The following ZSWIM5 variants were observed in gnomAD, a reference collection of about 807,000 sequenced individuals.
ZSWIM5 encodes zinc finger SWIM-type containing 5.
In ZSWIM5, 55 loss-of-function variants were observed where a neutral mutation model predicts 119.6. The observed-to-expected ratio is 0.46, with a 90% CI of 0.37 to 0.58. The LOEUF (loss-of-function observed/expected upper bound fraction) is 0.58. ZSWIM5 is among the 20% of genes least tolerant of loss of function. The pLI is 0.00. For synonymous variants in ZSWIM5, 537 were observed against 606.9 expected, an observed-to-expected ratio of 0.88 and a Z score of 1.69; for missense variants, 1,193 against 1,512.8, an observed-to-expected ratio of 0.79 and a Z score of 3.51.
In ZSWIM5 at chr1:45,055,562, C is replaced by A. The variant is rs188918485; in HGVS notation, c.1252+3047G>T. ...TGAGATGTTTCTTAGAAGTGATGGGCAGCTGGACACAGCCTGGAGCTCAGG... is the reference window on the plus strand; with the variant it reads ...TGAGATGTTTCTTAGAAGTGATGGGAAGCTGGACACAGCCTGGAGCTCAGG... On this transcript the variant is annotated intron_variant, in intron 4 of 13. Coordinates refer to ENST00000359600, the MANE Select transcript of ZSWIM5 (RefSeq NM_020883.2). Among the ~76,000 whole-genome samples the A allele has an allele frequency of 3.9e-4, 59 of 152,332 alleles. No homozygotes were observed. In the East Asian group the frequency reaches 8.7e-3, roughly 22 times the overall value.
At chr1:45,032,969 G>A (rs1569997398) in intron 11 of ZSWIM5, among the ~76,000 whole-genome samples, 1 of 151,966 alleles carries the variant, frequency 6.6e-6, no homozygotes, top group South Asian at 2.1e-4. Context: ...TTTTGGTTAT[G>A]ATGTGCCATG....
chr1:45,116,845 ATGT>A (rs1453896139), intron 1 of ZSWIM5, among the ~76,000 whole-genome samples: 1 of 152,234 alleles, frequency 6.6e-6, no homozygotes, highest in Non-Finnish European at 1.5e-5. Flanking sequence ...TCAGGACACT[ATGT>A]TACATTTGCT....
At chr1:45,153,121 A>G (rs1300424543) in intron 1 of ZSWIM5, among the ~76,000 whole-genome samples, 1 of 151,768 alleles carries the variant, frequency 6.6e-6, no homozygotes, top group Non-Finnish European at 1.5e-5. Context: ...GAAAAAAGAA[A>G]AAACAGATGC....
intron 1 of ZSWIM5, among the ~76,000 whole-genome samples, chr1:45,156,030 T>C (rs1431429629): frequency 4.7e-5 from 7 of 150,428 alleles, no homozygotes; most frequent in East Asian, 3.9e-4. Flanking sequence ...CAAAAACCTA[T>C]GGAAATAAAA....
At chr1:45,187,116 T>C (rs960679533) in intron 1 of ZSWIM5, among the ~76,000 whole-genome samples, 4 of 152,060 alleles carry the variant, frequency 2.6e-5, no homozygotes, top group Non-Finnish European at 5.9e-5. Flanking sequence ...CTAAAATTCA[T>C]AGGGAAACTC....
rs1475656089 is a variant in ZSWIM5 at position 45,051,140 on chromosome 1, C to T, written c.1366G>A (p.Gly456Arg). The T allele has an allele frequency of 6.2e-7, 1 of 1,614,222 alleles. No homozygotes were observed. Among genetic ancestry groups the T allele is most frequent in the Admixed American group, 1.7e-5 (1 of 60,030 alleles). ...TTGGGCAGCTCATGTCCATAGTTTCCATCCTCCAGGGGACAGACATCCAGG... is the reference window on the plus strand; with the variant it reads ...TTGGGCAGCTCATGTCCATAGTTTCTATCCTCCAGGGGACAGACATCCAGG... Reference protein sequence around the residue: ...SDLDVCPLEDGNYGHELPNIT... With the variant: ...SDLDVCPLEDRNYGHELPNIT... The change falls in exon 5 of 14, where the codon GGA becomes AGA. Residue 456 changes from glycine to arginine, a missense_variant. Transcript: ENST00000359600.
At position 45,178,147 on chromosome 1, in the gene ZSWIM5, C is replaced by T. The variant is rs192686837; in HGVS notation, c.595+27609G>A. On this transcript the variant is annotated intron_variant, in intron 1 of 13. Coordinates refer to ENST00000359600, the MANE Select transcript of ZSWIM5 (RefSeq NM_020883.2). ...TATCTTCAAATTAGACAAATGGCGC[C>T]GGGCACAGTGGCTCACACCTGTAAT... is the stretch of plus-strand genomic sequence containing the variant. 1.0e-3 allele frequency among the ~76,000 whole-genome samples: 154 copies of T among 152,130 alleles called. 1 individual carries two copies. Among genetic ancestry groups the T allele is most frequent in the East Asian group, 3.3e-3 (17 of 5,154 alleles).
intron 2 of ZSWIM5, among the ~76,000 whole-genome samples, chr1:45,073,915 C>T (rs1005360368): frequency 2.6e-5 from 4 of 151,758 alleles, no homozygotes; most frequent in African/African-American, 9.7e-5. Context: ...CCTTCTGTAC[C>T]CATTTTTAAA....
At chr1:45,081,643 C>T (rs1645291975) in intron 2 of ZSWIM5, among the ~76,000 whole-genome samples, 1 of 152,156 alleles carries the variant, frequency 6.6e-6, no homozygotes, top group South Asian at 2.1e-4. Context: ...AGTGCAGTGG[C>T]GTGATCTCGG....
At chr1:45,028,229 A>G (rs1644931650) in intron 11 of ZSWIM5, among the ~76,000 whole-genome samples, 1 of 151,968 alleles carries the variant, frequency 6.6e-6, no homozygotes, top group South Asian at 2.1e-4. Flanking sequence ...ACCTATCTAT[A>G]TTTTTTTTGT....
rs1645136026 is a variant in ZSWIM5 at position 45,058,606 on chromosome 1, T to C, written c.1252+3A>G. On this transcript the variant is annotated splice_donor_region_variant and intron_variant, in intron 4 of 13. Transcript: ENST00000359600. Reference sequence around the variant, plus strand: ...AGCACTTCTCTGAATGATGGGAACTTACCTAGCTCATCCCAGAGCTGCCTG... The same window carrying C: ...AGCACTTCTCTGAATGATGGGAACTCACCTAGCTCATCCCAGAGCTGCCTG... 1.2e-6 allele frequency: 2 copies of C among 1,614,184 alleles called. No individual in the cohort carries two copies. The highest frequency in any genetic ancestry group is 2.7e-5 in the African/African-American group (2 of 75,062).
At chr1:45,175,797 T>C (rs570588949) in intron 1 of ZSWIM5, among the ~76,000 whole-genome samples, 66 of 152,052 alleles carry the variant, frequency 4.3e-4, no homozygotes, top group Admixed American at 4.0e-3. Flanking sequence ...TGGGTTTCTA[T>C]TTCATTCAAT....
At chr1:45,157,758 T>C (rs1182718769) in intron 1 of ZSWIM5, among the ~76,000 whole-genome samples, 1 of 152,246 alleles carries the variant, frequency 6.6e-6, no homozygotes, top group Admixed American at 6.5e-5. Context: ...TGGACCTTTT[T>C]CCAAAGTGGT....
intron 1 of ZSWIM5, among the ~76,000 whole-genome samples, chr1:45,159,685 T>TTC (rs1557783841): frequency 3.3e-5 from 5 of 151,912 alleles, no homozygotes. Flanking sequence ...GCCTCCTGGG[T>TTC]TCAAGCGCTT....
intron 1 of ZSWIM5, among the ~76,000 whole-genome samples, chr1:45,135,006 C>T (rs1257070588): frequency 6.6e-6 from 1 of 152,072 alleles, no homozygotes; most frequent in African/African-American, 2.4e-5. Flanking sequence ...GGGTTGTGTC[C>T]ACCTCTTGTC....
intron 1 of ZSWIM5, among the ~76,000 whole-genome samples, chr1:45,182,415 C>T (rs545905087): frequency 1.7e-5 from 2 of 119,004 alleles, no homozygotes; most frequent in Non-Finnish European, 3.8e-5. Flanking sequence ...AAAAAACAAA[C>T]AAACAAACAA....
intron 1 of ZSWIM5, among the ~76,000 whole-genome samples, chr1:45,154,457 A>G (rs1645815235): frequency 1.3e-5 from 2 of 152,118 alleles, no homozygotes; most frequent in South Asian, 4.1e-4. Flanking sequence ...CAGCCAACTA[A>G]TCTTCGACGA....
At chr1:45,068,922 C>T (rs527316387) in intron 2 of ZSWIM5, among the ~76,000 whole-genome samples, 9 of 149,744 alleles carry the variant, frequency 6.0e-5, no homozygotes, top group African/African-American at 2.0e-4. Context: ...GGCCTTGCCT[C>T]GGCCTCCTGA....
intron 1 of ZSWIM5, among the ~76,000 whole-genome samples, chr1:45,115,184 C>T (rs1032898636): frequency 2.6e-5 from 4 of 152,292 alleles, no homozygotes; most frequent in South Asian, 2.1e-4. Context: ...GGGTGGCCGC[C>T]GGGCAGAGGG....
Sources: gnomAD v4.1 joint callset for allele counts (sites outside exome capture counted in the v4.1 genomes callset) on GRCh38, gnomAD v4.1.1 for gene constraint, MANE v1.5 for transcripts, NCBI Gene and HGNC (gene_info 2026-07-23, HGNC 2026-07-21) for gene names.